Variants in CHCHD2 observed in about 807,000 individuals in gnomAD.
CHCHD2 encodes coiled-coil-helix-coiled-coil-helix domain containing 2.
A neutral mutation model predicts 17.5 loss-of-function variants in CHCHD2; 17 were observed. That is an observed-to-expected ratio of 0.97 (90% confidence interval 0.67 to 1.46). The LOEUF is 1.46. Among genes scored for constraint, CHCHD2 ranks in the 40% most tolerant of loss-of-function variants. The probability of loss-of-function intolerance (pLI) is 0.00; values close to 1 mark genes in which losing one functional copy is unlikely to be tolerated. For missense variants in CHCHD2, 175 were observed against 199.9 expected, an observed-to-expected ratio of 0.88 and a Z score of 0.75; for synonymous variants, 63 against 74.3, an observed-to-expected ratio of 0.85 and a Z score of 0.78.
intron 1 of CHCHD2, among the ~76,000 whole-genome samples, chr7:56,105,457 G>A (rs74573741): frequency 6.6e-6 from 1 of 152,160 alleles, no homozygotes; most frequent in Non-Finnish European, 1.5e-5. Context: ...CATTCATGGA[G>A]TTTACATTTT....
chr7:56,105,349 TAA>T (rs1184372206), intron 1 of CHCHD2, among the ~76,000 whole-genome samples: 1 of 152,236 alleles, frequency 6.6e-6, no homozygotes, highest in East Asian at 1.9e-4. Context: ...TACAGACTAC[TAA>T]AAGTTAGAAA....
At position 56,104,355 on chromosome 7, in the gene CHCHD2, G is replaced by C. The variant is rs752552804; in HGVS notation, c.171C>G (p.Ala57=). The C allele has an allele frequency of 2.5e-6, 4 of 1,613,368 alleles. No individual in the cohort carries two copies. The highest frequency in any genetic ancestry group is 3.4e-6 in the Non-Finnish European group (4 of 1,179,694). The change falls in exon 2 of 4, where the codon GCC becomes GCG. Residue 57 remains alanine, a synonymous_variant. Transcript: ENST00000395422. ...CGCCAGCTGCAGTGGTTGCCATCTG[G>C]GCCATCAGACCTGGCTGCCGGGGCG... ...AAAPRQPGLM[A]QMATTAAGVA...
At position 56,102,891 on chromosome 7, in the gene CHCHD2, G is replaced by C; in HGVS notation, c.421C>G (p.Leu141Val). Residue 141 changes from leucine to valine, a missense_variant, in exon 3 of 4, where the codon CTG becomes GTG. By Grantham distance (32) the Leu-to-Val change is conservative. Transcript: ENST00000395422. ...CCGTTTGCAAGTCGGCACTGTTTCA[G>C]CACCTCATTGAAACCCTCACAGAGC... Reference protein sequence around the residue: ...IKLCEGFNEVLKQCRLANGLA With the variant: ...IKLCEGFNEVVKQCRLANGLA 1 of 1,613,996 alleles carries C rather than the reference G, an allele frequency of 6.2e-7. No homozygotes were observed. Among genetic ancestry groups the C allele is most frequent in the Non-Finnish European group, 8.5e-7 (1 of 1,179,886 alleles).
rs780978381 is a variant in CHCHD2 at position 56,106,446 on chromosome 7, G to C, written c.-33C>G. On this transcript the variant is annotated 5_prime_UTR_variant, in exon 1 of 4. Transcript: ENST00000395422. ...AAGCGACGGCTAGGCCTCCGGACGT[G>C]GGACAACCACCGAAGAGCTAAGCGA... 6 of 1,611,116 alleles carry C rather than the reference G, an allele frequency of 3.7e-6. No homozygotes were observed. Among genetic ancestry groups the C allele is most frequent in the Non-Finnish European group, 4.2e-6 (5 of 1,177,702 alleles).
Position 56,104,307 on chromosome 7 carries a change from C to T in CHCHD2, c.219G>A (p.Gly73=). Residue 73 remains glycine, a synonymous_variant, in exon 2 of 4, where the codon GGG becomes GGA. Coordinates refer to ENST00000395422, the MANE Select transcript of CHCHD2 (RefSeq NM_016139.4). The part of the protein sequence containing the change: ...AAGVAVGSAV[G]HTLGHAITGG... ...CAGTAATGGCGTGACCCAATGTGTGCCCCACAGCAGAGCCCACAGCCACGC... is the reference window on the plus strand; with the variant it reads ...CAGTAATGGCGTGACCCAATGTGTGTCCCACAGCAGAGCCCACAGCCACGC... 1.9e-6 allele frequency: 3 copies of T among 1,613,836 alleles called. No homozygotes were observed. Among genetic ancestry groups the T allele is most frequent in the Non-Finnish European group, 2.5e-6 (3 of 1,179,760 alleles).
intron 2 of CHCHD2, 86 bp downstream of exon 2, chr7:56,104,139 AC>A (rs1230463144): frequency 6.5e-7 from 1 of 1,544,896 alleles, no homozygotes; most frequent in Non-Finnish European, 8.9e-7. Flanking sequence ...AAAATCAAAG[AC>A]AATTCCTACA....
intron 3 of CHCHD2, among the ~76,000 whole-genome samples, chr7:56,102,469 C>A (rs1327127664): frequency 1.3e-5 from 2 of 151,970 alleles, no homozygotes; most frequent in Admixed American, 1.3e-4. Flanking sequence ...CGGGTTCAAG[C>A]AATTCTCCTG....
At chr7:56,102,713 G>A in intron 3 of CHCHD2, 154 bp downstream of exon 3, 1 of 754,136 alleles carries the variant, frequency 1.3e-6, no homozygotes, top group Non-Finnish European at 2.1e-6. Context: ...TCATAAAAAT[G>A]ACTAGAAACC....
At position 56,106,364 on chromosome 7, in the gene CHCHD2, C is replaced by A; in HGVS notation, c.50G>T (p.Ser17Ile). ...GTCTCAAACCCTGCGATGGTCTCAC[C>A]TGGCCGGAGGGGCCATGCGGGAGGT... ...SRTSRMAPPASRAPQMRAAPR... is the reference protein window; with the variant it reads ...SRTSRMAPPAIRAPQMRAAPR... Residue 17 changes from serine (S) to isoleucine (I), a missense_variant and splice_region_variant, in exon 1 of 4, where the codon AGC becomes ATC. Physicochemically the swap from Ser to Ile is moderately radical, Grantham distance 142. Coordinates refer to ENST00000395422, the MANE Select transcript of CHCHD2 (RefSeq NM_016139.4). 1 of 1,613,384 alleles carries A rather than the reference C, an allele frequency of 6.2e-7. No homozygotes were observed. The highest frequency in any genetic ancestry group is 8.5e-7 in the Non-Finnish European group (1 of 1,179,620).
At chr7:56,103,816 C>G (rs1190638204) in intron 2 of CHCHD2, among the ~76,000 whole-genome samples, 1 of 152,200 alleles carries the variant, frequency 6.6e-6, no homozygotes, top group African/African-American at 2.4e-5. Context: ...CACACCTATG[C>G]TCATTAGACT....
intron 3 of CHCHD2, 193 bp downstream of exon 3, chr7:56,102,674 T>G: frequency 1.6e-6 from 1 of 622,688 alleles, no homozygotes; most frequent in Non-Finnish European, 2.7e-6. Context: ...GGCCTATACC[T>G]TCTAAAGGAA....
At position 56,106,375 on chromosome 7, in the gene CHCHD2, G is replaced by A. The variant is rs1025137926; in HGVS notation, c.39C>T (p.Ala13=). 3.1e-6 allele frequency: 5 copies of A among 1,613,388 alleles called. No homozygotes were observed. Among genetic ancestry groups the A allele is most frequent in the Admixed American group, 1.7e-5 (1 of 59,946 alleles). ...RGSRSRTSRM[A]PPASRAPQMR... is the part of the protein sequence containing the mutation. ...TGCGATGGTCTCACCTGGCCGGAGG[G>A]GCCATGCGGGAGGTGCGGCTTCGGC... is the stretch of plus-strand genomic sequence containing the variant. Residue 13 remains alanine, a synonymous_variant, in exon 1 of 4, where the codon GCC becomes GCT. Coordinates refer to ENST00000395422, the MANE Select transcript of CHCHD2 (RefSeq NM_016139.4).
At position 56,104,504 on chromosome 7, in the gene CHCHD2, T is replaced by A. The variant is rs368179313; in HGVS notation, c.51-29A>T. The A allele has an allele frequency of 2.6e-6, 4 of 1,514,422 alleles. No individual in the cohort carries two copies. In the African/African-American group the frequency reaches 4.2e-5, roughly 16 times the overall value. 93.8% of individuals were successfully genotyped at this position (1,514,422 alleles called of 1,614,324 possible). ...TGAAAGAAAAGAAAAAAACATCAAG[T>A]TCCCAATTCCAACCAGTTTTGGAAA... On this transcript the variant is annotated intron_variant, in intron 1 of 3. Coordinates refer to ENST00000395422, the MANE Select transcript of CHCHD2 (RefSeq NM_016139.4).
intron 3 of CHCHD2, among the ~76,000 whole-genome samples, 198 bp from the exon 4 acceptor site, chr7:56,102,059 C>T (rs990368862): frequency 2.0e-5 from 3 of 151,676 alleles, no homozygotes; most frequent in Non-Finnish European, 4.4e-5. Context: ...TCAAGCAATC[C>T]TCCCACCTTG....
intron 1 of CHCHD2, among the ~76,000 whole-genome samples, 190 bp downstream of exon 1, chr7:56,106,174 T>C (rs1785379944): frequency 6.6e-6 from 1 of 152,136 alleles, no homozygotes; most frequent in Admixed American, 6.5e-5. Context: ...AGGAAGCTTT[T>C]TCCGTAAGTG....
At chr7:56,106,328 G>A (rs1324200364) in intron 1 of CHCHD2, 36 bp downstream of exon 1, 31 of 1,605,544 alleles carry the variant, frequency 1.9e-5, no homozygotes, top group Admixed American at 5.1e-5. Flanking sequence ...AGTCCGGACG[G>A]CCGCGCTTTG....
At chr7:56,106,012 C>T (rs1785376397) in intron 1 of CHCHD2, among the ~76,000 whole-genome samples, 1 of 152,180 alleles carries the variant, frequency 6.6e-6, no homozygotes, top group Admixed American at 6.5e-5. Flanking sequence ...TTATGTCCTG[C>T]ACGTATTTAA....
chr7:56,102,240 C>T (rs1047128728), intron 3 of CHCHD2, among the ~76,000 whole-genome samples: 1 of 152,158 alleles, frequency 6.6e-6, no homozygotes, highest in African/African-American at 2.4e-5. Context: ...TTGTCTATTC[C>T]TGGATTTTGG....
chr7:56,101,838 T>C lies in CHCHD2; in HGVS notation c.*13A>G, dbSNP rs200517035. On this transcript the variant is annotated 3_prime_UTR_variant, in exon 4 of 4. Coordinates refer to ENST00000395422, the MANE Select transcript of CHCHD2 (RefSeq NM_016139.4). The stretch of plus-strand genomic sequence containing the variant: ...AGAGCTGATTTTCCATCTCTCCAGG[T>C]TGAACTTCTTCATTAGGCCAATCCT... The C allele has an allele frequency of 1.8e-5, 29 of 1,611,662 alleles. No homozygotes were observed. The highest frequency in any genetic ancestry group is 2.3e-5 in the Non-Finnish European group (27 of 1,178,314).
Sources: gnomAD v4.1 joint callset for allele counts (sites outside exome capture counted in the v4.1 genomes callset) on GRCh38, gnomAD v4.1.1 for gene constraint, MANE v1.5 for transcripts, NCBI Gene and HGNC (gene_info 2026-07-23, HGNC 2026-07-21) for gene names.